FRS2: variants seen among roughly 807,000 people sequenced by gnomAD.
The protein encoded by FRS2 is fibroblast growth factor receptor substrate 2.
Under a neutral mutation model 43.9 loss-of-function variants are expected in FRS2, and 8 were observed. The observed-to-expected ratio is 0.18, with a 90% confidence interval of 0.11 to 0.33. The LOEUF (loss-of-function observed/expected upper bound fraction) is 0.33. Among genes scored for constraint, FRS2 ranks in the 10% least tolerant of loss-of-function variants. The pLI is 1.00. For synonymous variants in FRS2, 219 were observed against 220.3 expected, an observed-to-expected ratio of 0.99 and a Z score of 0.05; for missense variants, 534 against 627.6, an observed-to-expected ratio of 0.85 and a Z score of 1.59.
chr12:69,526,642 T>C (rs1269316732), intron 1 of FRS2, among the ~76,000 whole-genome samples: 4 of 152,080 alleles, frequency 2.6e-5, no homozygotes, highest in Non-Finnish European at 4.4e-5. Context: ...AAAAATTACT[T>C]TAAAGATAAT....
intron 1 of FRS2, among the ~76,000 whole-genome samples, chr12:69,524,943 C>T (rs1159663699): frequency 1.3e-5 from 2 of 152,154 alleles, no homozygotes; most frequent in African/African-American, 4.8e-5. Flanking sequence ...GTCCTGGGTG[C>T]CTGGTAGCCC....
chr12:69,526,959 G>A (rs560304056), intron 1 of FRS2, among the ~76,000 whole-genome samples: 1 of 152,200 alleles, frequency 6.6e-6, no homozygotes, highest in South Asian at 2.1e-4. Flanking sequence ...TCCTGACCTC[G>A]TGATCCACCC....
At chr12:69,484,095 C>CTTGTTTTTTTTTTTTTTTTTT (rs1871599802) in intron 1 of FRS2, among the ~76,000 whole-genome samples, 1 of 149,264 alleles carries the variant, frequency 6.7e-6, no homozygotes, top group Non-Finnish European at 1.5e-5. Context: ...GCTTTTCTTT[C>CTTGTTTTTTTTTTTTTTTTTT]TTTTTTTTTG....
At chr12:69,522,447 ATTGTCT>A (rs1875776045) in intron 1 of FRS2, among the ~76,000 whole-genome samples, 1 of 151,996 alleles carries the variant, frequency 6.6e-6, no homozygotes, top group Non-Finnish European at 1.5e-5. Flanking sequence ...CAGTAGTAAC[ATTGTCT>A]TTGTCATTTC....
intron 1 of FRS2, among the ~76,000 whole-genome samples, chr12:69,478,998 C>T (rs761511618): frequency 1.0e-4 from 15 of 149,734 alleles, no homozygotes; most frequent in Non-Finnish European, 1.0e-4. Context: ...GGAAGTTAAA[C>T]TCTGTGTAGC....
intron 1 of FRS2, among the ~76,000 whole-genome samples, chr12:69,526,402 C>A (rs1055031617): frequency 6.6e-6 from 1 of 152,054 alleles, no homozygotes; most frequent in Non-Finnish European, 1.5e-5. Context: ...ATGTGATAGG[C>A]AGTAGTTCAA....
intron 3 of FRS2, among the ~76,000 whole-genome samples, chr12:69,541,136 AC>A (rs35052387): frequency 0.01 from 1,564 of 152,266 alleles, 22 homozygotes; most frequent in African/African-American, 0.036. Flanking sequence ...ATACTTTGCA[AC>A]TTTTATTAGA....
intron 3 of FRS2, among the ~76,000 whole-genome samples, chr12:69,534,951 C>T (rs1354242372): frequency 6.6e-6 from 1 of 152,116 alleles, no homozygotes; most frequent in Non-Finnish European, 1.5e-5. Context: ...TAAATGTCAT[C>T]TTTCCAGTTG....
At chr12:69,475,694 C>T (rs943674095) in intron 1 of FRS2, among the ~76,000 whole-genome samples, 1 of 152,066 alleles carries the variant, frequency 6.6e-6, no homozygotes, top group Non-Finnish European at 1.5e-5. Context: ...GCTTACATTT[C>T]CTCATTATTG....
intron 3 of FRS2, among the ~76,000 whole-genome samples, chr12:69,539,576 A>C (rs922752909): frequency 2.6e-5 from 4 of 152,066 alleles, no homozygotes. Context: ...CTGTGGTGTC[A>C]TGTTGGTGCT....
chr12:69,476,841 T>TG (rs1173112190), intron 1 of FRS2, among the ~76,000 whole-genome samples: 2 of 151,994 alleles, frequency 1.3e-5, no homozygotes, highest in South Asian at 4.1e-4. Flanking sequence ...TTCTTTTGAG[T>TG]GTTTTTGGTT....
rs918729825 is a variant in FRS2, at chr12:69,576,808, C to G, written c.*1853C>G. On this transcript the variant is annotated 3_prime_UTR_variant, in exon 9 of 9. Transcript: ENST00000549921. The stretch of plus-strand genomic sequence containing the variant: ...AGAATTTTCTTTTCTCCCTTTTGTT[C>G]CCCTGTGAACTTGGTGCTTATTAAA... The G allele has an allele frequency of 2.6e-5, 4 of 152,496 alleles. No homozygotes were observed. Among genetic ancestry groups the G allele is most frequent in the Non-Finnish European group, 5.9e-5 (4 of 68,026 alleles). 9.4% of individuals were successfully genotyped at this position (152,496 alleles called of 1,614,324 possible).
At chr12:69,490,122 C>T (rs947371464) in intron 1 of FRS2, among the ~76,000 whole-genome samples, 1 of 151,846 alleles carries the variant, frequency 6.6e-6, no homozygotes, top group African/African-American at 2.4e-5. Flanking sequence ...TTTATGTTAC[C>T]GTTATGTATT....
rs191331140 is a variant in FRS2 at position 69,569,671 on chromosome 12, C to T, written c.66+575C>T. ...AAGCTTTGTGACCTTGGGCAGGTTA[C>T]GTTATTACTGAGTCTTAATTCCATT... On this transcript the variant is annotated intron_variant, in intron 5 of 8. Transcript: ENST00000549921. 8.5e-5 allele frequency among the ~76,000 whole-genome samples: 13 copies of T among 152,272 alleles called. No homozygotes were observed. The South Asian group carries it at 1.2e-3, about 15-fold the overall frequency.
intron 1 of FRS2, among the ~76,000 whole-genome samples, chr12:69,486,601 G>A (rs1304247410): frequency 6.6e-6 from 1 of 152,196 alleles, no homozygotes; most frequent in East Asian, 1.9e-4. Context: ...TAAATCAAAA[G>A]CTAGAAGTGA....
intron 3 of FRS2, among the ~76,000 whole-genome samples, chr12:69,557,617 T>TGTGTGTGTGTGC (rs1879484835): frequency 8.5e-6 from 1 of 117,040 alleles, no homozygotes; most frequent in Non-Finnish European, 1.7e-5. Flanking sequence ...TGTGTGTGTG[T>TGTGTGTGTGTGC]GTGCGCGCGC....
intron 3 of FRS2, among the ~76,000 whole-genome samples, chr12:69,537,739 T>C (rs528650296): frequency 6.6e-6 from 1 of 152,332 alleles, no homozygotes; most frequent in Admixed American, 6.5e-5. Context: ...TAATAATGTC[T>C]TTGAATAATT....
In FRS2 at chr12:69,566,011, C is replaced by G. The variant is rs193212883; in HGVS notation, c.-26-2994C>G. On this transcript the variant is annotated intron_variant, in intron 4 of 8. Coordinates refer to ENST00000549921, the MANE Select transcript of FRS2 (RefSeq NM_001278356.2). ...TTTTTTATACCAGCATTATCTCAAA[C>G]ACATGAATAATGTGTTGCACTGTGA... is the stretch of plus-strand genomic sequence containing the variant. 2.0e-5 allele frequency among the ~76,000 whole-genome samples: 3 copies of G among 151,890 alleles called. No homozygotes were observed. The East Asian group carries it at 5.8e-4, about 29-fold the overall frequency.
chr12:69,509,447 T>C (rs1874257642), intron 1 of FRS2, among the ~76,000 whole-genome samples: 1 of 152,192 alleles, frequency 6.6e-6, no homozygotes, highest in Admixed American at 6.5e-5. Context: ...TGGTAAAATA[T>C]AATAACAAAA....
Sources: gnomAD v4.1 joint callset for allele counts (sites outside exome capture counted in the v4.1 genomes callset) on GRCh38, gnomAD v4.1.1 for gene constraint, MANE v1.5 for transcripts, NCBI Gene and HGNC (gene_info 2026-07-23, HGNC 2026-07-21) for gene names.